The following EPN2 variants were observed in gnomAD, a reference collection of about 807,000 sequenced individuals.
EPN2 encodes epsin 2.
In EPN2, 34 loss-of-function variants were observed where a neutral mutation model predicts 61.7. The ratio of observed to expected loss-of-function variants is 0.55; its 90% CI spans 0.42 to 0.73. The LOEUF is 0.73. EPN2 is among the 30% of genes least tolerant of loss of function. The pLI, the probability that EPN2 is intolerant of heterozygous loss-of-function variation, is 0.00. For synonymous variants in EPN2, 349 were observed against 353.6 expected (o/e 0.99, Z 0.15); for missense variants, 714 against 839.2 (o/e 0.85, Z 1.84).
chr17:19,298,304 C>T (rs1421020499), intron 4 of EPN2, among the ~76,000 whole-genome samples: 1 of 152,108 alleles, frequency 6.6e-6, no homozygotes, highest in East Asian at 1.9e-4. Context: ...AAGTGATTCT[C>T]CTGCCTCAGC....
chr17:19,313,356 T>A, intron 7 of EPN2, 77 bp downstream of exon 7: 1 of 1,387,208 alleles, frequency 7.2e-7, no homozygotes, highest in African/African-American at 1.5e-5. Context: ...TTGCTGTCTC[T>A]CACCCACTTG....
intron 4 of EPN2, among the ~76,000 whole-genome samples, chr17:19,291,018 C>G (rs964651834): frequency 6.6e-6 from 1 of 152,232 alleles, no homozygotes; most frequent in Non-Finnish European, 1.5e-5. Flanking sequence ...CTGCTCCTCT[C>G]ACACCCCACC....
intron 4 of EPN2, among the ~76,000 whole-genome samples, chr17:19,288,003 T>C (rs954095165): frequency 6.6e-6 from 1 of 152,224 alleles, no homozygotes; most frequent in African/African-American, 2.4e-5. Context: ...CTGCTGTCAT[T>C]ATCTCCCAGT....
At chr17:19,292,773 C>T (rs549776869) in intron 4 of EPN2, among the ~76,000 whole-genome samples, 90 of 152,366 alleles carry the variant, frequency 5.9e-4, no homozygotes, top group African/African-American at 2.0e-3. Context: ...CTCTCCTGGG[C>T]CTTTGCCTTC....
At chr17:19,293,777 T>G (rs1308737666) in intron 4 of EPN2, among the ~76,000 whole-genome samples, 1 of 151,974 alleles carries the variant, frequency 6.6e-6, no homozygotes, top group African/African-American at 2.4e-5. Context: ...AATATGGGAT[T>G]GTTCTCAGAA....
chr17:19,333,917 C>G, intron 10 of EPN2, 39 bp from the exon 11 acceptor site: 1 of 1,498,128 alleles, frequency 6.7e-7, no homozygotes, highest in South Asian at 1.4e-5. Context: ...AAGCCACACC[C>G]TGACGGCTCA....
Position 19,309,922 on chromosome 17 carries a change from C to G in EPN2, c.804C>G (p.Ala268=). Residue 268 remains alanine (A), a synonymous_variant, in exon 5 of 11, where the codon GCC becomes GCG. Transcript: ENST00000314728. The part of the protein sequence containing the change: ...SPRVSSELEQ[A]RPQTSGEEEL... ...GAGTGTCCTCCGAGCTGGAGCAAGCCCGGCCCCAGACTAGTGGAGAAGAGG... is the reference window on the plus strand; with the variant it reads ...GAGTGTCCTCCGAGCTGGAGCAAGCGCGGCCCCAGACTAGTGGAGAAGAGG... The G allele has an allele frequency of 6.2e-7, 1 of 1,609,330 alleles. No individual in the cohort carries two copies. Among genetic ancestry groups the G allele is most frequent in the Non-Finnish European group, 8.5e-7 (1 of 1,180,006 alleles).
intron 7 of EPN2, among the ~76,000 whole-genome samples, chr17:19,317,094 G>T (rs1327180707): frequency 1.3e-5 from 2 of 152,192 alleles, no homozygotes; most frequent in Non-Finnish European, 1.5e-5. Context: ...AGAAAGATTG[G>T]AGTCCCTTCC....
At chr17:19,324,445 TGCCTCAGTCTCCC>T (rs1906775544) in intron 7 of EPN2, among the ~76,000 whole-genome samples, 1 of 152,220 alleles carries the variant, frequency 6.6e-6, no homozygotes, top group Non-Finnish European at 1.5e-5. Flanking sequence ...GCAATTCTCC[TGCCTCAGTCTCCC>T]GAGTAGCTGG....
At chr17:19,294,090 TAAA>T (rs35150015) in intron 4 of EPN2, among the ~76,000 whole-genome samples, 2 of 139,394 alleles carry the variant, frequency 1.4e-5, no homozygotes, top group Non-Finnish European at 3.1e-5. Flanking sequence ...ACTCTGTCTT[TAAA>T]AAAAAAAAAA....
chr17:19,331,529 A>G (rs573213245), intron 9 of EPN2, among the ~76,000 whole-genome samples: 3 of 152,328 alleles, frequency 2.0e-5, no homozygotes, highest in Admixed American at 1.3e-4. Flanking sequence ...AAAAAAAAAA[A>G]AAGTAAATTG....
intron 7 of EPN2, among the ~76,000 whole-genome samples, chr17:19,326,769 A>T (rs1484213470): frequency 2.6e-5 from 4 of 151,506 alleles, no homozygotes; most frequent in Non-Finnish European, 4.4e-5. Flanking sequence ...GACTTGACTT[A>T]CGACAGAGGA....
intron 1 of EPN2, among the ~76,000 whole-genome samples, 168 bp downstream of exon 1, chr17:19,237,699 G>GA (rs1311803859): frequency 6.6e-6 from 1 of 152,102 alleles, no homozygotes; most frequent in Non-Finnish European, 1.5e-5. Context: ...GGCTCTGGGG[G>GA]ATCCCCTTCT....
intron 1 of EPN2, among the ~76,000 whole-genome samples, chr17:19,254,704 G>A (rs2152204470): frequency 6.6e-6 from 1 of 152,230 alleles, no homozygotes; most frequent in Admixed American, 6.5e-5. Context: ...CTTGAGGTTT[G>A]AGGATGAGTA....
chr17:19,313,035 T>C, intron 6 of EPN2, 70 bp from the exon 7 acceptor site: 3 of 1,509,672 alleles, frequency 2.0e-6, no homozygotes, highest in Non-Finnish European at 1.8e-6. Context: ...GTGATATTTA[T>C]GGCTAGTTCA....
At chr17:19,243,881 T>G (rs4924958) in intron 1 of EPN2, among the ~76,000 whole-genome samples, 5,095 of 152,232 alleles carry the variant, frequency 0.033, 344 homozygotes, top group South Asian at 0.2. Context: ...CTGCTGATGC[T>G]GCCAGTCTAG....
chr17:19,289,069 G>A (rs2045432256), intron 4 of EPN2, among the ~76,000 whole-genome samples: 1 of 142,730 alleles, frequency 7.0e-6, no homozygotes. Flanking sequence ...CCAGGTTCTG[G>A]GTATGTTTTT....
At chr17:19,305,453 ACTTT>A (rs1285012648) in intron 4 of EPN2, among the ~76,000 whole-genome samples, 2 of 152,182 alleles carry the variant, frequency 1.3e-5, no homozygotes, top group East Asian at 3.9e-4. Context: ...TGTACTTGCC[ACTTT>A]CTTTCTGTTT....
chr17:19,268,833 G>T (rs1423032309), intron 1 of EPN2, among the ~76,000 whole-genome samples: 8 of 152,248 alleles, frequency 5.3e-5, no homozygotes. Flanking sequence ...CATAACAACA[G>T]AGAGAACCTC....
Sources: gnomAD v4.1 joint callset for allele counts (sites outside exome capture counted in the v4.1 genomes callset) on GRCh38, gnomAD v4.1.1 for gene constraint, MANE v1.5 for transcripts, NCBI Gene and HGNC (gene_info 2026-07-23, HGNC 2026-07-21) for gene names.